The following CNTN6 variants were observed in gnomAD, a reference collection of about 807,000 sequenced individuals.
The protein encoded by CNTN6 is contactin 6.
In CNTN6, 137 loss-of-function variants were observed where a neutral mutation model predicts 122.8. The observed-to-expected ratio is 1.12, with a 90% CI of 0.97 to 1.29. The LOEUF (loss-of-function observed/expected upper bound fraction) is 1.29, where lower values mean the gene tolerates loss of function less well. Ranked by LOEUF, CNTN6 falls within the 50% of genes most tolerant of loss-of-function variation. CNTN6 has a pLI of 0.00. For synonymous variants in CNTN6, 570 were observed against 426.0 expected (o/e 1.34, Z -4.16); for missense variants, 1,634 against 1,223.4 (o/e 1.34, Z -5.01).
intron 2 of CNTN6, among the ~76,000 whole-genome samples, chr3:1,199,425 C>A (rs2093827867): frequency 6.6e-6 from 1 of 151,938 alleles, no homozygotes; most frequent in South Asian, 2.1e-4. Flanking sequence ...AGCAGTCCCC[C>A]CACCTTGGCC....
chr3:1,389,114 G>T (rs1054773088), intron 20 of CNTN6, among the ~76,000 whole-genome samples: 14 of 145,122 alleles, frequency 9.6e-5, no homozygotes, highest in Admixed American at 4.8e-4. Context: ...ATAATTGTCA[G>T]ATTCACCAAA....
intron 2 of CNTN6, among the ~76,000 whole-genome samples, chr3:1,198,304 T>C (rs2093807895): frequency 6.6e-6 from 1 of 152,232 alleles, no homozygotes; most frequent in Non-Finnish European, 1.5e-5. Flanking sequence ...ATTATTTTGG[T>C]GTTAAAAGGC....
At chr3:1,097,278 C>T (rs903616796) in intron 1 of CNTN6, among the ~76,000 whole-genome samples, 7 of 152,112 alleles carry the variant, frequency 4.6e-5, no homozygotes, top group Non-Finnish European at 8.8e-5. Flanking sequence ...TTTACAGAAA[C>T]GTTACATCAT....
At chr3:1,382,690 G>T (rs1337244342) in intron 17 of CNTN6, among the ~76,000 whole-genome samples, 5 of 152,136 alleles carry the variant, frequency 3.3e-5, no homozygotes, top group South Asian at 4.1e-4. Context: ...AATGATCAAA[G>T]AAAAATATAT....
chr3:1,368,793 TC>T (rs1158988870), intron 12 of CNTN6, among the ~76,000 whole-genome samples: 5 of 152,194 alleles, frequency 3.3e-5, no homozygotes, highest in Non-Finnish European at 5.9e-5. Context: ...CATCTATGAA[TC>T]ATACCCTAAT....
chr3:1,389,918 G>A (rs1693844683), intron 20 of CNTN6, among the ~76,000 whole-genome samples: 1 of 150,644 alleles, frequency 6.6e-6, no homozygotes, highest in South Asian at 2.1e-4. Context: ...AGCAAGTCCT[G>A]AGTGACCTAC....
chr3:1,131,788 G>T (rs557247614), intron 1 of CNTN6, among the ~76,000 whole-genome samples: 1 of 152,144 alleles, frequency 6.6e-6, no homozygotes, highest in African/African-American at 2.4e-5. Context: ...ACAAGTAATT[G>T]CTATTCACCT....
At chr3:1,271,252 T>C (rs2095021562) in intron 4 of CNTN6, among the ~76,000 whole-genome samples, 1 of 152,202 alleles carries the variant, frequency 6.6e-6, no homozygotes, top group African/African-American at 2.4e-5. Context: ...GATCAATCAA[T>C]TTCTGGTGTG....
rs1005833481 is a variant in CNTN6, at chr3:1,161,768, A to G, written c.55+13705A>G. 1.6e-3 allele frequency among the ~76,000 whole-genome samples: 230 copies of G among 140,990 alleles called. 1 individual carries two copies. The highest frequency in any genetic ancestry group is 6.5e-3 in the African/African-American group (224 of 34,504). The allele number at this position is 140,990 out of a possible 152,430, so 92.5% of individuals were successfully genotyped here. On this transcript the variant is annotated intron_variant, in intron 2 of 22. Coordinates refer to ENST00000446702, the MANE Select transcript of CNTN6 (RefSeq NM_001289080.2). ...CTTAGGAATATATATATATATATGT[A>G]TACACACACACACACACACACACAC...
At chr3:1,388,487 ACT>A (rs1466045397) in intron 20 of CNTN6, among the ~76,000 whole-genome samples, 1 of 151,688 alleles carries the variant, frequency 6.6e-6, no homozygotes, top group Middle Eastern at 3.2e-3. Flanking sequence ...AAAACTGGAA[ACT>A]CTAAAACGCA....
intron 11 of CNTN6, among the ~76,000 whole-genome samples, chr3:1,341,190 T>A (rs75058303): frequency 0.019 from 2,962 of 152,156 alleles, 124 homozygotes; most frequent in African/African-American, 0.067. Context: ...TTGTTGGTTT[T>A]TTTTTTTTAA....
chr3:1,213,531 T>C (rs969441640), intron 2 of CNTN6, among the ~76,000 whole-genome samples: 5 of 151,952 alleles, frequency 3.3e-5, no homozygotes, highest in Admixed American at 3.3e-4. Context: ...AACTATGAAA[T>C]ATTATGCAAA....
At chr3:1,378,597 C>G (rs1424334389) in intron 17 of CNTN6, among the ~76,000 whole-genome samples, 1 of 152,016 alleles carries the variant, frequency 6.6e-6, no homozygotes, top group African/African-American at 2.4e-5. Context: ...CTCTCAGAGG[C>G]CAGACAGAGG....
chr3:1,131,761 C>T (rs1452076530), intron 1 of CNTN6, among the ~76,000 whole-genome samples: 1 of 152,052 alleles, frequency 6.6e-6, no homozygotes, highest in Non-Finnish European at 1.5e-5. Context: ...TGCCCTTTGC[C>T]TTTTCTATCT....
Position 1,227,750 on chromosome 3 carries a change from A to C in CNTN6, c.183-68A>C, listed in dbSNP as rs2094302366. On this transcript the variant is annotated intron_variant, in intron 3 of 22. Coordinates refer to ENST00000446702, the MANE Select transcript of CNTN6 (RefSeq NM_001289080.2). ...TTATAGTTGCAGGAATTAGAACTAC[A>C]TGTTTTTTAAGACAAAGATTGATTG... The C allele has an allele frequency of 7.3e-6, 11 of 1,496,948 alleles. No homozygotes were observed. The South Asian group carries it at 8.4e-5, about 11-fold the overall frequency. 92.7% of individuals were successfully genotyped at this position (1,496,948 alleles called of 1,614,324 possible). A position where few individuals can be genotyped will look rare whatever the true frequency, so the allele number is the denominator to read the frequency against.
At chr3:1,321,018 T>C (rs1700768592) in intron 7 of CNTN6, among the ~76,000 whole-genome samples, 1 of 151,630 alleles carries the variant, frequency 6.6e-6, no homozygotes, top group South Asian at 2.1e-4. Flanking sequence ...TTAAATCGTA[T>C]ATAAATGAGT....
chr3:1,375,831 G>A (rs1709779442), intron 16 of CNTN6, among the ~76,000 whole-genome samples: 1 of 151,960 alleles, frequency 6.6e-6, no homozygotes, highest in Non-Finnish European at 1.5e-5. Context: ...TTTTGAAAAA[G>A]AACAATCAGA....
At chr3:1,171,328 G>A (rs1462410393) in intron 2 of CNTN6, among the ~76,000 whole-genome samples, 1 of 152,182 alleles carries the variant, frequency 6.6e-6, no homozygotes, top group Non-Finnish European at 1.5e-5. Context: ...TGGGGAAAAT[G>A]TGAAAATACA....
At chr3:1,360,882 A>G (rs1457795856) in intron 12 of CNTN6, among the ~76,000 whole-genome samples, 2 of 152,070 alleles carry the variant, frequency 1.3e-5, no homozygotes, top group Non-Finnish European at 2.9e-5. Context: ...GACAGTCTGC[A>G]CTGACAGTTG....
Sources: allele counts gnomAD v4.1 joint callset (sites outside exome capture counted in the v4.1 genomes callset), GRCh38; gene constraint gnomAD v4.1.1; transcripts MANE v1.5; gene names NCBI Gene and HGNC (gene_info 2026-07-23, HGNC 2026-07-21).